The following ADCY8 variants were observed in gnomAD, a reference collection of about 807,000 sequenced individuals.
ADCY8 encodes the protein adenylate cyclase type 8.
ADCY8 carries 51 observed loss-of-function variants against 119.7 expected under a neutral mutation model. The observed-to-expected ratio is 0.43, with a 90% CI of 0.34 to 0.54. The LOEUF (loss-of-function observed/expected upper bound fraction) is 0.54. Among genes scored for constraint, ADCY8 ranks in the 20% least tolerant of loss-of-function variants. The probability of loss-of-function intolerance (pLI) is 0.03; values close to 1 mark genes in which losing one functional copy is unlikely to be tolerated. For synonymous variants in ADCY8, 665 were observed against 651.0 expected, an observed-to-expected ratio of 1.02 and a Z score of -0.33; for missense variants, 1,383 against 1,598.8, an observed-to-expected ratio of 0.87 and a Z score of 2.30.
intron 7 of ADCY8, among the ~76,000 whole-genome samples, chr8:130,891,777 G>T (rs1458365871): frequency 6.6e-6 from 1 of 152,072 alleles, no homozygotes; most frequent in Non-Finnish European, 1.5e-5. Context: ...ATCCACATGA[G>T]ATCTCCAAGA....
rs566934476 is a variant in ADCY8 at position 130,878,251 on chromosome 8, A to G, written c.2109+6313T>C. On this transcript the variant is annotated intron_variant, in intron 8 of 17. Transcript: ENST00000286355. Reference sequence around the variant, plus strand: ...TACTGGTGAGCGAAATGAGGATTTTATACGTGTGTGTGTGTATCCATTTGA... The same window carrying G: ...TACTGGTGAGCGAAATGAGGATTTTGTACGTGTGTGTGTGTATCCATTTGA... 6.6e-5 allele frequency among the ~76,000 whole-genome samples: 10 copies of G among 152,114 alleles called. No homozygotes were observed. In the South Asian group the frequency reaches 2.1e-3, roughly 32 times the overall value.
intron 1 of ADCY8, among the ~76,000 whole-genome samples, chr8:131,003,743 G>A (rs963037440): frequency 1.2e-4 from 18 of 152,156 alleles, no homozygotes; most frequent in African/African-American, 3.9e-4. Context: ...GGGACACAGG[G>A]CTTTATTTTA....
intron 13 of ADCY8, among the ~76,000 whole-genome samples, chr8:130,816,433 T>TTTC (rs1816346974): frequency 6.8e-6 from 1 of 146,260 alleles, no homozygotes; most frequent in Admixed American, 6.8e-5. Flanking sequence ...TTTTCTTTTT[T>TTTC]TTTTTTTTTT....
intron 1 of ADCY8, among the ~76,000 whole-genome samples, chr8:131,008,084 T>C (rs1823181226): frequency 6.6e-6 from 1 of 152,212 alleles, no homozygotes; most frequent in African/African-American, 2.4e-5. Flanking sequence ...TTTGTAGTAA[T>C]TCTGTTAGGG....
At chr8:130,860,164 G>A (rs1005218186) in intron 9 of ADCY8, among the ~76,000 whole-genome samples, 84 of 152,230 alleles carry the variant, frequency 5.5e-4, no homozygotes, top group African/African-American at 2.0e-3. Context: ...CAATGATGTT[G>A]AGCATTTTTC....
chr8:130,903,034 G>T (rs918596625), intron 7 of ADCY8, among the ~76,000 whole-genome samples: 7 of 152,080 alleles, frequency 4.6e-5, no homozygotes, highest in Admixed American at 1.3e-4. Flanking sequence ...GAATCTCTGT[G>T]TCCACCTTGG....
In ADCY8 at chr8:130,847,488, A is replaced by T; in HGVS notation, c.2438T>A (p.Ile813Lys). The change falls in exon 11 of 18, where the codon ATA becomes AAA. Residue 813 changes from isoleucine (I) to lysine (K), a missense_variant. Ile to Lys is a moderately radical substitution (Grantham distance 102). This residue lies in a region of ADCY8 where 928 missense variants were observed against 1,163.5 expected (regional missense o/e 0.80). Transcript: ENST00000286355. ...ATTGAAAGTCAGGTTCTTCAAGGGT[A>T]TCGACTTGTCAAAATCACACCACAG... Reference protein sequence around the residue: ...NILWCDFDKSIPLKNLTFNSS... With the variant: ...NILWCDFDKSKPLKNLTFNSS... 1 of 1,609,176 alleles carries T rather than the reference A, an allele frequency of 6.2e-7. No individual in the cohort carries two copies. The highest frequency in any genetic ancestry group is 8.5e-7 in the Non-Finnish European group (1 of 1,176,372).
chr8:130,955,413 C>T (rs1430997427), intron 2 of ADCY8, among the ~76,000 whole-genome samples: 1 of 152,232 alleles, frequency 6.6e-6, no homozygotes, highest in East Asian at 1.9e-4. Context: ...GCTTCCCCTT[C>T]ACCTTATCAG....
At chr8:130,833,238 C>G (rs1816892602) in intron 12 of ADCY8, among the ~76,000 whole-genome samples, 1 of 152,136 alleles carries the variant, frequency 6.6e-6, no homozygotes, top group Non-Finnish European at 1.5e-5. Flanking sequence ...CAAAAAGACC[C>G]AAGTTTGAAT....
chr8:130,967,010 C>T (rs955106047), intron 2 of ADCY8, among the ~76,000 whole-genome samples: 2 of 152,030 alleles, frequency 1.3e-5, no homozygotes, highest in African/African-American at 2.4e-5. Flanking sequence ...AATGAATAGA[C>T]CTCATATGTG....
chr8:130,832,922 C>A (rs150149816), intron 12 of ADCY8, among the ~76,000 whole-genome samples: 1 of 152,326 alleles, frequency 6.6e-6, no homozygotes, highest in East Asian at 1.9e-4. Flanking sequence ...TTTGCATATG[C>A]AACAGAGTCT....
chr8:131,014,999 C>A (rs1332398554), intron 1 of ADCY8, among the ~76,000 whole-genome samples: 3 of 149,514 alleles, frequency 2.0e-5, no homozygotes, highest in Non-Finnish European at 4.5e-5. Flanking sequence ...AGAAAGGAGA[C>A]AGGCATAAAT....
rs562086211 is a variant in ADCY8 at position 130,945,782 on chromosome 8, G to T, written c.1242-2320C>A. Among the ~76,000 whole-genome samples the T allele has an allele frequency of 6.6e-5, 10 of 152,334 alleles. No homozygotes were observed. In the South Asian group the frequency reaches 2.1e-3, roughly 32 times the overall value. ...CCTAACTGTTGATGAAGCCTGAACT[G>T]CCAGGCAGCAGCAACACTTACAGAG... On this transcript the variant is annotated intron_variant, in intron 3 of 17. Transcript: ENST00000286355.
chr8:131,035,983 C>T (rs1002968173), intron 1 of ADCY8, among the ~76,000 whole-genome samples: 3 of 152,082 alleles, frequency 2.0e-5, no homozygotes, highest in Non-Finnish European at 2.9e-5. Context: ...TTGGCTTCTT[C>T]GTTAAATGTT....
intron 3 of ADCY8, among the ~76,000 whole-genome samples, chr8:130,946,322 T>A (rs562783720): frequency 6.6e-6 from 1 of 152,324 alleles, no homozygotes; most frequent in East Asian, 1.9e-4. Flanking sequence ...AAGTTTCAGA[T>A]GTCTTCAGTG....
chr8:130,795,005 C>T (rs1033316125), intron 15 of ADCY8, among the ~76,000 whole-genome samples: 7 of 151,976 alleles, frequency 4.6e-5, no homozygotes, highest in African/African-American at 1.7e-4. Context: ...AGGCAGATCA[C>T]CTAAGGTCAG....
intron 9 of ADCY8, among the ~76,000 whole-genome samples, chr8:130,864,678 G>A (rs1186974884): frequency 4.6e-5 from 7 of 152,072 alleles, no homozygotes; most frequent in South Asian, 2.1e-4. Flanking sequence ...TTTCTGTTAG[G>A]TGTTTTTAAA....
At chr8:130,930,860 GAA>G (rs1332934319) in intron 5 of ADCY8, among the ~76,000 whole-genome samples, 1 of 151,880 alleles carries the variant, frequency 6.6e-6, no homozygotes, top group Admixed American at 6.6e-5. Context: ...TTCCAAGTTT[GAA>G]AAGTTTTCTG....
intron 1 of ADCY8, among the ~76,000 whole-genome samples, chr8:131,022,351 T>G (rs1479133782): frequency 6.6e-6 from 1 of 152,136 alleles, no homozygotes; most frequent in Non-Finnish European, 1.5e-5. Flanking sequence ...CAACTCCCAC[T>G]TATGAATGAG....
Sources: allele counts gnomAD v4.1 joint callset (sites outside exome capture counted in the v4.1 genomes callset), GRCh38; gene constraint gnomAD v4.1.1; regional missense constraint gnomAD v4.1.1; transcripts MANE v1.5; gene names NCBI Gene and HGNC (gene_info 2026-07-23, HGNC 2026-07-21).